C2orf49: variants seen among roughly 807,000 people sequenced by gnomAD.
C2orf49 encodes tRNA-splicing ligase complex subunit ASW.
In C2orf49, 11 loss-of-function variants were observed where a neutral mutation model predicts 20.6. The observed-to-expected ratio is 0.53, with a 90% CI of 0.34 to 0.88. C2orf49 has a LOEUF of 0.88. C2orf49 is among the 40% of genes least tolerant of loss of function. C2orf49 has a pLI of 0.02. For missense variants in C2orf49, 289 were observed against 274.2 expected (o/e 1.05, Z -0.38); for synonymous variants, 134 against 108.5 (o/e 1.24, Z -1.46).
At chr2:105,355,770 TTGTGTGTGTGTGTGTGTGTGTGTGTG>T in the C2orf49 span, among the ~76,000 whole-genome samples, 6 of 143,202 alleles carry the variant, frequency 4.2e-5, no homozygotes, top group African/African-American at 1.3e-4. Flanking sequence ...AGAAAAAATT[TTGTGTGTGTGTGTGTGTGTGTGTGTG>T]TGTGTGTGTG....
In C2orf49 at chr2:105,347,755, C is replaced by T. The variant is rs192768738; in HGVS notation, c.*2384C>T. The T allele has an allele frequency of 1.9e-4, 29 of 152,166 alleles. 1 individual carries two copies. Among genetic ancestry groups the T allele is most frequent in the Middle Eastern group, 3.4e-3 (1 of 294 alleles). The allele number at this position is 152,166 out of a possible 1,614,324, so 9.4% of individuals were successfully genotyped here. ...AATCTGGAGCAGCAGCCCTGGGAGC[C>T]CTGAGTTTTGAAGTGTTTTGGTTTG... On this transcript the variant is annotated 3_prime_UTR_variant, in exon 4 of 4. Coordinates refer to ENST00000258457, the MANE Select transcript of C2orf49 (RefSeq NM_024093.3).
intron 2 of C2orf49, among the ~76,000 whole-genome samples, chr2:105,342,334 A>G (rs905658108): frequency 2.0e-5 from 3 of 152,258 alleles, no homozygotes; most frequent in Non-Finnish European, 2.9e-5. Context: ...GCCAGATTTT[A>G]CAATTGAACT....
At chr2:105,375,120 C>G in the C2orf49 span, 1 of 149,114 alleles carries the variant, frequency 6.7e-6, no homozygotes, top group African/African-American at 2.5e-5. Context: ...AAACAGTTCT[C>G]TTTTGCTGAA....
At chr2:105,366,228 A>AT in the C2orf49 span, among the ~76,000 whole-genome samples, 6 of 152,084 alleles carry the variant, frequency 3.9e-5, no homozygotes, top group South Asian at 6.2e-4. Flanking sequence ...AAAAAAAAAA[A>AT]GGAAATGAGA....
the C2orf49 span, among the ~76,000 whole-genome samples, chr2:105,368,370 C>T: frequency 3.3e-5 from 5 of 152,236 alleles, no homozygotes; most frequent in East Asian, 9.6e-4. Context: ...CTCACTCTGT[C>T]ACCCAGGCTG....
the C2orf49 span, among the ~76,000 whole-genome samples, chr2:105,372,539 C>T: frequency 3.3e-5 from 5 of 152,064 alleles, no homozygotes; most frequent in African/African-American, 1.2e-4. Context: ...ACATATATTT[C>T]TAAACTATTT....
chr2:105,366,768 T>C, the C2orf49 span, among the ~76,000 whole-genome samples: 14 of 152,132 alleles, frequency 9.2e-5, no homozygotes, highest in Non-Finnish European at 2.1e-4. Context: ...TTTTTTGAGA[T>C]GGAGTCTCGC....
At chr2:105,362,337 G>T in the C2orf49 span, among the ~76,000 whole-genome samples, 1 of 152,188 alleles carries the variant, frequency 6.6e-6, no homozygotes, top group Non-Finnish European at 1.5e-5. Context: ...AATGAGCTCT[G>T]CATTACACAT....
chr2:105,364,708 T>C, the C2orf49 span, among the ~76,000 whole-genome samples: 5 of 152,070 alleles, frequency 3.3e-5, no homozygotes, highest in Admixed American at 3.3e-4. Flanking sequence ...TTGCTTTTTA[T>C]TTTTTGAACA....
downstream of C2orf49, among the ~76,000 whole-genome samples, chr2:105,353,021 G>A (rs181174100): frequency 3.3e-5 from 5 of 152,276 alleles, no homozygotes; most frequent in East Asian, 9.7e-4. Flanking sequence ...CACAGTTCTG[G>A]AGGTCCAAGA....
At chr2:105,361,946 G>T in the C2orf49 span, among the ~76,000 whole-genome samples, 2 of 152,326 alleles carry the variant, frequency 1.3e-5, no homozygotes, top group African/African-American at 2.4e-5. Flanking sequence ...AAGATCCTGA[G>T]AAAGCTGCAG....
chr2:105,382,301 G>A, the C2orf49 span, among the ~76,000 whole-genome samples: 1 of 152,212 alleles, frequency 6.6e-6, no homozygotes, highest in Non-Finnish European at 1.5e-5. Context: ...GAGGCCAGGT[G>A]GTCACCATCT....
At chr2:105,349,900 G>A (rs935957937), downstream of C2orf49, among the ~76,000 whole-genome samples, 1 of 152,180 alleles carries the variant, frequency 6.6e-6, no homozygotes, top group Non-Finnish European at 1.5e-5. Context: ...CTCCCATCAA[G>A]GCTGGAGTCA....
the C2orf49 span, chr2:105,361,314 A>G: frequency 6.2e-7 from 1 of 1,614,130 alleles, no homozygotes; most frequent in Non-Finnish European, 8.5e-7. Flanking sequence ...GGGGCACAGG[A>G]TGTCGTCCCT....
the C2orf49 span, among the ~76,000 whole-genome samples, chr2:105,368,395 G>A: frequency 5.9e-5 from 9 of 152,216 alleles, no homozygotes; most frequent in South Asian, 4.1e-4. Context: ...GCAGTGGTGC[G>A]ATCCTGGCTC....
chr2:105,350,357 T>C (rs190080985), downstream of C2orf49, among the ~76,000 whole-genome samples: 1 of 152,330 alleles, frequency 6.6e-6, no homozygotes, highest in Non-Finnish European at 1.5e-5. Context: ...TAGTATAAAA[T>C]GAAGTCAAAG....
At chr2:105,364,858 A>C in the C2orf49 span, among the ~76,000 whole-genome samples, 970 of 152,350 alleles carry the variant, frequency 6.4e-3, 13 homozygotes, top group African/African-American at 0.022. Context: ...ATAGCTGGTT[A>C]ATGACGAAGC....
chr2:105,339,452 G>A (rs1361273637), intron 1 of C2orf49, 131 bp from the exon 2 acceptor site: 16 of 743,800 alleles, frequency 2.2e-5, no homozygotes, highest in South Asian at 5.7e-5. Context: ...CTCTAAGTGC[G>A]CGTGTTATTG....
chr2:105,362,417 G>A, the C2orf49 span, among the ~76,000 whole-genome samples: 1 of 152,154 alleles, frequency 6.6e-6, no homozygotes, highest in Non-Finnish European at 1.5e-5. Context: ...TAGGCCTAAG[G>A]GAAAGGAAAG....
Sources: allele counts gnomAD v4.1 joint callset (sites outside exome capture counted in the v4.1 genomes callset), GRCh38; gene constraint gnomAD v4.1.1; transcripts MANE v1.5; gene names NCBI Gene and HGNC (gene_info 2026-07-23, HGNC 2026-07-21).